Variants in PID1 observed in about 807,000 individuals in gnomAD.
PID1 encodes phosphotyrosine interaction domain containing 1, also known as PTB-containing, cubilin and LRP1-interacting protein.
In PID1, 10 loss-of-function variants were observed where a neutral mutation model predicts 19.1. That is an observed-to-expected ratio of 0.52 (90% CI 0.32 to 0.89). PID1 has a LOEUF of 0.89. PID1 is among the 40% of genes least tolerant of loss of function. PID1 has a pLI of 0.03. For synonymous variants in PID1, 130 were observed against 116.0 expected (o/e 1.12, Z -0.78); for missense variants, 248 against 285.3 (o/e 0.87, Z 0.94).
chr2:229,027,159 T>C (rs549808554), intron 2 of PID1, among the ~76,000 whole-genome samples: 1 of 152,304 alleles, frequency 6.6e-6, no homozygotes, highest in South Asian at 2.1e-4. Context: ...TTCCAAACAA[T>C]GGTTATATTT....
intron 1 of PID1, among the ~76,000 whole-genome samples, chr2:229,249,807 G>C (rs796432178): frequency 1.7e-5 from 2 of 117,634 alleles, no homozygotes; most frequent in Non-Finnish European, 4.1e-5. Context: ...ATGATCCCCT[G>C]GGCAGGGCAG....
At chr2:229,204,981 G>A (rs1055341685) in intron 1 of PID1, among the ~76,000 whole-genome samples, 1 of 152,048 alleles carries the variant, frequency 6.6e-6, no homozygotes, top group Non-Finnish European at 1.5e-5. Context: ...AAGACCTTTT[G>A]GATGAAATTC....
At chr2:229,047,524 T>C (rs1170036821) in intron 2 of PID1, among the ~76,000 whole-genome samples, 1 of 152,222 alleles carries the variant, frequency 6.6e-6, no homozygotes, top group South Asian at 2.1e-4. Flanking sequence ...AGTTATATTA[T>C]AATGAATTTA....
chr2:229,086,189 TATG>T (rs1694760537), intron 2 of PID1, among the ~76,000 whole-genome samples: 2 of 152,264 alleles, frequency 1.3e-5, no homozygotes, highest in African/African-American at 4.8e-5. Context: ...CTCCTCAACT[TATG>T]ATGCGGTTAC....
At chr2:229,216,177 A>C (rs1272775580) in intron 1 of PID1, among the ~76,000 whole-genome samples, 1 of 152,226 alleles carries the variant, frequency 6.6e-6, no homozygotes, top group Non-Finnish European at 1.5e-5. Context: ...TAGGCAGCAG[A>C]AGAATGAACT....
Position 229,134,231 on chromosome 2 carries a change from G to GTTTTTTTTTTTTTTTTTTTTTTTTTTT in PID1, c.177+21586_177+21587insAAAAAAAAAAAAAAAAAAAAAAAAAAA, listed in dbSNP as rs60513006. The stretch of plus-strand genomic sequence containing the variant: ...TTCAATAACAATGTTTACTACCTGT[G>GTTTTTTTTTTTTTTTTTTTTTTTTTTT]TTTTTTTTTTTTTTTTTTTTTGAGA... On this transcript the variant is annotated intron_variant, in intron 2 of 2. Transcript: ENST00000392055. 6.3e-4 allele frequency among the ~76,000 whole-genome samples: 69 copies of GTTTTTTTTTTTTTTTTTTTTTTTTTTT among 109,190 alleles called. 4 individuals are homozygous for GTTTTTTTTTTTTTTTTTTTTTTTTTTT. Among genetic ancestry groups the GTTTTTTTTTTTTTTTTTTTTTTTTTTT allele is most frequent in the East Asian group, 1.9e-3 (6 of 3,202 alleles). 71.6% of individuals were successfully genotyped at this position (109,190 alleles called of 152,430 possible).
intron 1 of PID1, among the ~76,000 whole-genome samples, chr2:229,223,598 A>C (rs564370748): frequency 6.6e-6 from 1 of 152,330 alleles, no homozygotes; most frequent in Admixed American, 6.5e-5. Context: ...AAATTATTCT[A>C]AGAGCACAGG....
chr2:229,190,651 T>C lies in PID1; in HGVS notation c.31-34687A>G, dbSNP rs865893341. ...TTATCGGTCTATCTACAGCTCATAGTTGACTGCTGATACTATATTGGGCAG... is the reference window on the plus strand; with the variant it reads ...TTATCGGTCTATCTACAGCTCATAGCTGACTGCTGATACTATATTGGGCAG... On this transcript the variant is annotated intron_variant, in intron 1 of 2. Coordinates refer to ENST00000392055, the MANE Select transcript of PID1 (RefSeq NM_001100818.2). 4.9e-4 allele frequency among the ~76,000 whole-genome samples: 75 copies of C among 152,388 alleles called. No homozygotes were observed. The Middle Eastern group carries it at 0.01, about 21-fold the overall frequency.
chr2:229,070,870 C>T (rs1353827995), intron 2 of PID1, among the ~76,000 whole-genome samples: 1 of 152,158 alleles, frequency 6.6e-6, no homozygotes, highest in Non-Finnish European at 1.5e-5. Context: ...GGATAGAAGA[C>T]TTAAAAGTTA....
chr2:229,255,091 G>A (rs1282553656), intron 1 of PID1, among the ~76,000 whole-genome samples: 3 of 152,172 alleles, frequency 2.0e-5, no homozygotes, highest in African/African-American at 7.2e-5. Flanking sequence ...GGGTCAAATG[G>A]AGAGCAATAG....
intron 1 of PID1, among the ~76,000 whole-genome samples, chr2:229,265,795 A>G (rs1690579700): frequency 6.6e-6 from 1 of 152,174 alleles, no homozygotes; most frequent in South Asian, 2.1e-4. Flanking sequence ...GTCTCCTCCA[A>G]GGCTAATTTT....
chr2:229,247,086 G>A (rs973709245), intron 1 of PID1, among the ~76,000 whole-genome samples: 6 of 152,006 alleles, frequency 3.9e-5, no homozygotes, highest in Non-Finnish European at 7.4e-5. Context: ...GTGCATATGG[G>A]GCAAACTGAA....
intron 2 of PID1, among the ~76,000 whole-genome samples, chr2:229,104,002 G>A (rs1309561729): frequency 6.6e-6 from 1 of 152,180 alleles, no homozygotes; most frequent in Non-Finnish European, 1.5e-5. Context: ...AGGACCATAG[G>A]TTGATGTTTC....
intron 2 of PID1, among the ~76,000 whole-genome samples, chr2:229,074,991 A>G (rs980136331): frequency 2.0e-5 from 3 of 152,210 alleles, no homozygotes; most frequent in Admixed American, 1.3e-4. Flanking sequence ...TTGCATTTCT[A>G]TCAACCCACC....
At chr2:229,238,197 T>C (rs908653545) in intron 1 of PID1, among the ~76,000 whole-genome samples, 7 of 152,290 alleles carry the variant, frequency 4.6e-5, no homozygotes, top group African/African-American at 1.4e-4. Context: ...ATGAGTGGAA[T>C]TGGAAAGCCT....
intron 1 of PID1, among the ~76,000 whole-genome samples, chr2:229,163,684 T>TGTGTGTGCGCGCGCATGTGC (rs1690541399): frequency 2.6e-5 from 2 of 78,062 alleles, no homozygotes; most frequent in African/African-American, 7.6e-5. Flanking sequence ...TGCGTGTGCG[T>TGTGTGTGCGCGCGCATGTGC]GTGTGTGTGT....
intron 2 of PID1, among the ~76,000 whole-genome samples, chr2:229,070,730 G>A (rs1275606316): frequency 6.6e-6 from 1 of 152,312 alleles, no homozygotes; most frequent in East Asian, 1.9e-4. Context: ...TTGAGAGCAA[G>A]ACAAGGAACC....
chr2:229,146,868 GA>G (rs1406523895), intron 2 of PID1, among the ~76,000 whole-genome samples: 6 of 152,096 alleles, frequency 3.9e-5, no homozygotes, highest in Admixed American at 1.3e-4. Flanking sequence ...ACAAGCCAAG[GA>G]ATGCCTGCAG....
chr2:229,179,817 C>G (rs1690901089), intron 1 of PID1, among the ~76,000 whole-genome samples: 1 of 152,126 alleles, frequency 6.6e-6, no homozygotes, highest in South Asian at 2.1e-4. Context: ...TTTGTTTGTC[C>G]TGGATTTAGC....
Sources: gnomAD v4.1 joint callset for allele counts (sites outside exome capture counted in the v4.1 genomes callset) on GRCh38, gnomAD v4.1.1 for gene constraint, MANE v1.5 for transcripts, NCBI Gene and HGNC (gene_info 2026-07-23, HGNC 2026-07-21) for gene names.